The following ZNF667 variants were observed in gnomAD, a reference collection of about 807,000 sequenced individuals.
The protein encoded by ZNF667 is zinc finger protein 667, also known as myocardial ischemic preconditioning upregulated 1 ortholog.
In ZNF667, 13 loss-of-function variants were observed where a neutral mutation model predicts 31.8. The observed-to-expected ratio is 0.41, with a 90% CI of 0.27 to 0.65. The LOEUF is 0.65. ZNF667 is among the 30% of genes least tolerant of loss of function. The probability of loss-of-function intolerance (pLI) is 0.32; values close to 1 mark genes in which losing one functional copy is unlikely to be tolerated. For synonymous variants in ZNF667, 228 were observed against 247.1 expected, an observed-to-expected ratio of 0.92 and a Z score of 0.73; for missense variants, 642 against 725.6, an observed-to-expected ratio of 0.88 and a Z score of 1.32.
chr19:56,470,742 G>A (rs1023244427), intron 3 of ZNF667, among the ~76,000 whole-genome samples: 1 of 152,160 alleles, frequency 6.6e-6, no homozygotes, highest in African/African-American at 2.4e-5. Flanking sequence ...AGGAGCGAGG[G>A]CTCGGTGACG....
chr19:56,467,775 G>C (rs889136224), intron 3 of ZNF667: 1 of 152,234 alleles, frequency 6.6e-6, no homozygotes, highest in African/African-American at 2.4e-5. Context: ...AGAATACAGA[G>C]AAAGAAATGT....
intron 6 of ZNF667, among the ~76,000 whole-genome samples, chr19:56,451,925 A>G (rs2042837303): frequency 6.6e-6 from 1 of 150,752 alleles, no homozygotes; most frequent in African/African-American, 2.4e-5. Context: ...CATATCAAGT[A>G]TCTTCTCTGA....
chr19:56,455,998 A>G (rs2042924492), intron 6 of ZNF667, among the ~76,000 whole-genome samples: 1 of 152,184 alleles, frequency 6.6e-6, no homozygotes, highest in Admixed American at 6.5e-5. Context: ...GATCCTAGGC[A>G]AGTTATTTAA....
Position 56,450,431 on chromosome 19 carries a change from A to AT in ZNF667, c.254-7691dup, listed in dbSNP as rs1422126728. Among the ~76,000 whole-genome samples, 3 of 152,318 alleles carry AT rather than the reference A, an allele frequency of 2.0e-5. No individual in the cohort carries two copies. The South Asian group carries it at 6.2e-4, about 32-fold the overall frequency. ...TTCCTAGACAAACAAAAGCTGAGAG[A>AT]TTTTGTCAACACCAGACCTCTCCTA... is the stretch of plus-strand genomic sequence containing the variant. On this transcript the variant is annotated intron_variant, in intron 6 of 6. Transcript: ENST00000504904.
chr19:56,467,823 T>C (rs1399148193), intron 3 of ZNF667: 1 of 152,066 alleles, frequency 6.6e-6, no homozygotes, highest in East Asian at 1.9e-4. Flanking sequence ...GTGTGGAGCT[T>C]CCATGCCTTC....
intron 6 of ZNF667, among the ~76,000 whole-genome samples, chr19:56,457,107 T>C (rs73934926): frequency 0.016 from 2,455 of 152,204 alleles, 79 homozygotes; most frequent in African/African-American, 0.056. Context: ...AGAAACTCAA[T>C]GAATGCTACT....
At position 56,440,926 on chromosome 19, in the gene ZNF667, A is replaced by G; in HGVS notation, c.*236T>C. The G allele has an allele frequency of 7.4e-7, 1 of 1,351,454 alleles. No homozygotes were observed. The highest frequency in any genetic ancestry group is 9.5e-7 in the Non-Finnish European group (1 of 1,052,780). 83.7% of individuals were successfully genotyped at this position (1,351,454 alleles called of 1,614,324 possible). On this transcript the variant is annotated 3_prime_UTR_variant, in exon 7 of 7. Transcript: ENST00000504904. Reference sequence around the variant, plus strand: ...GTGTAAGCCACTGCGCCCAGCCAGTAATTCTTATCAAATGAAAAATGATCT... The same window carrying G: ...GTGTAAGCCACTGCGCCCAGCCAGTGATTCTTATCAAATGAAAAATGATCT...
At chr19:56,466,351 C>T (rs2043159196) in intron 3 of ZNF667, among the ~76,000 whole-genome samples, 1 of 152,200 alleles carries the variant, frequency 6.6e-6, no homozygotes, top group Non-Finnish European at 1.5e-5. Flanking sequence ...CCCACTCTAT[C>T]ACACCCCTCA....
At chr19:56,451,381 A>G (rs745863135) in intron 6 of ZNF667, among the ~76,000 whole-genome samples, 1 of 152,168 alleles carries the variant, frequency 6.6e-6, no homozygotes, top group South Asian at 2.1e-4. Flanking sequence ...ATTGTTGGAG[A>G]CTTAACCACT....
Position 56,441,609 on chromosome 19 carries a change from T to C in ZNF667, c.1386A>G (p.Gln462=). The C allele has an allele frequency of 6.2e-7, 1 of 1,614,132 alleles. No homozygotes were observed. Among genetic ancestry groups the C allele is most frequent in the South Asian group, 1.1e-5 (1 of 91,076 alleles). ...FGRQSFLIEH[Q]RIHTGEKPYQ... Reference sequence around the variant, plus strand: ...AGGGTTTTTCTCCAGTATGAATTCTTTGATGTTCAATAAGAAATGATTGGC... The same window carrying C: ...AGGGTTTTTCTCCAGTATGAATTCTCTGATGTTCAATAAGAAATGATTGGC... The change falls in exon 7 of 7, where the codon CAA becomes CAG. Residue 462 remains glutamine (Q), a synonymous_variant. Coordinates refer to ENST00000504904, the MANE Select transcript of ZNF667 (RefSeq NM_001321356.2). The surrounding 1 kb of genome is among the most constrained non-coding windows in gnomAD (Gnocchi z 4.2).
In ZNF667 at chr19:56,441,595, C is replaced by T; in HGVS notation, c.1400G>A (p.Gly467Glu). ...TTCCTCACACTGGTAGGGTTTTTCT[C>T]CAGTATGAATTCTTTGATGTTCAAT... ...FLIEHQRIHT[G>E]EKPYQCEECG... The change falls in exon 7 of 7, where the codon GGA becomes GAA. Residue 467 changes from glycine (G) to glutamate (E), a missense_variant. By Grantham distance (98) the Gly-to-Glu change is moderately conservative (BLOSUM62 -2). Transcript: ENST00000504904. The surrounding 1 kb of genome is among the most constrained non-coding windows in gnomAD (Gnocchi z 4.2). 1 of 1,614,118 alleles carries T rather than the reference C, an allele frequency of 6.2e-7. No homozygotes were observed. The highest frequency in any genetic ancestry group is 8.5e-7 in the Non-Finnish European group (1 of 1,180,016).
In ZNF667 at chr19:56,460,624, A is replaced by G. The variant is rs2043025291; in HGVS notation, c.160+65T>C. 12 of 1,518,520 alleles carry G rather than the reference A, an allele frequency of 7.9e-6. No homozygotes were observed. The South Asian group carries it at 1.3e-4, about 17-fold the overall frequency. 94.1% of individuals were successfully genotyped at this position (1,518,520 alleles called of 1,614,324 possible). A position where few individuals can be genotyped will look rare whatever the true frequency, so the allele number is the denominator to read the frequency against. ...TGCAGTGGCTTCCATTTTCCTGACT[A>G]GACCCAGAGTGATGCATGTCCCTCA... On this transcript the variant is annotated intron_variant, in intron 5 of 6. Transcript: ENST00000504904.
chr19:56,456,748 TA>T (rs1269226147), intron 6 of ZNF667, among the ~76,000 whole-genome samples: 3 of 152,142 alleles, frequency 2.0e-5, no homozygotes, highest in Admixed American at 6.5e-5. Flanking sequence ...CAGAAATATA[TA>T]AACCTTATAA....
intron 6 of ZNF667, among the ~76,000 whole-genome samples, chr19:56,446,317 T>C (rs2147687108): frequency 6.6e-6 from 1 of 152,342 alleles, no homozygotes; most frequent in South Asian, 2.1e-4. Context: ...TGGCACATGC[T>C]ATGACCTCTA....
intron 6 of ZNF667, among the ~76,000 whole-genome samples, chr19:56,446,014 G>A (rs577915187): frequency 1.3e-5 from 2 of 152,250 alleles, no homozygotes; most frequent in South Asian, 4.1e-4. Flanking sequence ...ATTTCAACAT[G>A]AGATTTGGTG....
At chr19:56,464,534 A>T (rs1202838037) in intron 3 of ZNF667, among the ~76,000 whole-genome samples, 1 of 152,178 alleles carries the variant, frequency 6.6e-6, no homozygotes, top group Admixed American at 6.5e-5. Flanking sequence ...TTTAATGATA[A>T]ATGTGTTGCT....
intron 5 of ZNF667, 52 bp downstream of exon 5, chr19:56,460,637 T>C (rs952353397): frequency 1.9e-6 from 3 of 1,568,484 alleles, no homozygotes; most frequent in Non-Finnish European, 2.6e-6. Flanking sequence ...CCCAGAGTGA[T>C]GCATGTCCCT....
intron 3 of ZNF667, among the ~76,000 whole-genome samples, chr19:56,469,239 C>G (rs1026090225): frequency 6.6e-6 from 1 of 152,228 alleles, no homozygotes; most frequent in African/African-American, 2.4e-5. Context: ...CACACGTGCA[C>G]ACACACCCAC....
At chr19:56,452,744 A>C (rs541514004) in intron 6 of ZNF667, among the ~76,000 whole-genome samples, 1 of 152,144 alleles carries the variant, frequency 6.6e-6, no homozygotes, top group African/African-American at 2.4e-5. Context: ...ACATGGTGAA[A>C]CCCCATCTCT....
Sources: gnomAD v4.1 joint callset for allele counts (sites outside exome capture counted in the v4.1 genomes callset) on GRCh38, gnomAD v4.1.1 for gene constraint, Gnocchi (gnomAD v3.1) non-coding constraint, MANE v1.5 for transcripts, NCBI Gene and HGNC (gene_info 2026-07-23, HGNC 2026-07-21) for gene names.